The following SIMC1 variants were observed in gnomAD, a reference collection of about 807,000 sequenced individuals.
SIMC1 encodes SUMO-interacting motif-containing protein 1.
Under a neutral mutation model 82.3 loss-of-function variants are expected in SIMC1, and 55 were observed. That is an observed-to-expected ratio of 0.67 (90% CI 0.54 to 0.84). The LOEUF (loss-of-function observed/expected upper bound fraction) is 0.84, where lower values mean the gene tolerates loss of function less well. Among genes scored for constraint, SIMC1 ranks in the 40% least tolerant of loss-of-function variants. The pLI is 0.00. For synonymous variants in SIMC1, 353 were observed against 426.3 expected (o/e 0.83, Z 2.12); for missense variants, 915 against 1,107.2 (o/e 0.83, Z 2.46).
rs369351454 is a variant in SIMC1, at chr5:176,290,513, A to G, written c.989A>G (p.Gln330Arg). The G allele has an allele frequency of 1.2e-5, 19 of 1,613,880 alleles. No individual in the cohort carries two copies. The highest frequency in any genetic ancestry group is 1.5e-5 in the Non-Finnish European group (18 of 1,179,906). Residue 330 changes from glutamine to arginine, a missense_variant, in exon 2 of 10, where the codon CAG (glutamine) becomes CGG (arginine). By Grantham distance (43) the Gln-to-Arg change is conservative. Coordinates refer to ENST00000429602, the MANE Select transcript of SIMC1 (RefSeq NM_001308195.2). Reference sequence around the variant, plus strand: ...GTTTCACCGTCACCAGATGCACCACAGTCACCAGGGGGCATGCCACACTTA... The same window carrying G: ...GTTTCACCGTCACCAGATGCACCACGGTCACCAGGGGGCATGCCACACTTA... ...SDVSPSPDAP[Q>R]SPGGMPHLPG...
intron 6 of SIMC1, among the ~76,000 whole-genome samples, chr5:176,322,999 T>C (rs1765229762): frequency 1.3e-5 from 2 of 152,192 alleles, no homozygotes; most frequent in South Asian, 4.1e-4. Context: ...GGGCTGGGGC[T>C]ACCCTTGCAC....
chr5:176,249,843 C>CAAAAAA lies in SIMC1; in HGVS notation c.129+11222_129+11227dup, dbSNP rs66752759. Among the ~76,000 whole-genome samples the CAAAAAA allele has an allele frequency of 1.8e-4, 15 of 81,766 alleles. 2 individuals are homozygous for CAAAAAA. The highest frequency in any genetic ancestry group is 8.0e-4 in the East Asian group (2 of 2,494). The allele number at this position is 81,766 out of a possible 152,430, so 53.6% of individuals were successfully genotyped here. ...TGAGCAACAGAGCGAGATTCCGTCT[C>CAAAAAA]AAAAAAAAAAAAAAAAAAAAACCAG... On this transcript the variant is annotated intron_variant, in intron 1 of 9. Coordinates refer to ENST00000429602, the MANE Select transcript of SIMC1 (RefSeq NM_001308195.2).
rs184304731 is a variant in SIMC1, at chr5:176,322,610, T to G, written c.2042+185T>G. Reference sequence around the variant, plus strand: ...ATTTCAAAGGCAGAACAAAACCAGGTGCTTTCACCCCTAAAATGAATAGGA... The same window carrying G: ...ATTTCAAAGGCAGAACAAAACCAGGGGCTTTCACCCCTAAAATGAATAGGA... On this transcript the variant is annotated intron_variant, in intron 6 of 9. Coordinates refer to ENST00000429602, the MANE Select transcript of SIMC1 (RefSeq NM_001308195.2). The G allele has an allele frequency of 3.0e-5, 21 of 688,852 alleles. No homozygotes were observed. In the African/African-American group the frequency reaches 3.6e-4, roughly 12 times the overall value. The allele number at this position is 688,852 out of a possible 1,614,324, so 42.7% of individuals were successfully genotyped here. A position where few individuals can be genotyped will look rare whatever the true frequency, so the allele number is the denominator to read the frequency against.
At chr5:176,258,390 T>G (rs1301842445) in intron 1 of SIMC1, among the ~76,000 whole-genome samples, 1 of 150,626 alleles carries the variant, frequency 6.6e-6, no homozygotes, top group Non-Finnish European at 1.5e-5. Context: ...TTACCACCGC[T>G]TGTCTCCATC....
At chr5:176,343,817 G>A (rs60529051) in intron 9 of SIMC1, among the ~76,000 whole-genome samples, 6,471 of 151,424 alleles carry the variant, frequency 0.043, 255 homozygotes, top group African/African-American at 0.1. Flanking sequence ...TTTTTGAGAC[G>A]GAGTCTAGCT....
chr5:176,338,888 C>T (rs1431314565), intron 9 of SIMC1, among the ~76,000 whole-genome samples: 1 of 152,012 alleles, frequency 6.6e-6, no homozygotes, highest in Non-Finnish European at 1.5e-5. Flanking sequence ...CTAACTGTGT[C>T]TCTAGGCCTC....
chr5:176,292,560 G>A (rs10056467), intron 2 of SIMC1, among the ~76,000 whole-genome samples: 111,355 of 151,454 alleles, frequency 0.74, 41,043 homozygotes, highest in Middle Eastern at 0.84. Flanking sequence ...TTTTTTTTTG[G>A]GACAGAGTCT....
chr5:176,290,328 G>A lies in SIMC1; in HGVS notation c.804G>A (p.Val268=), dbSNP rs1763495947. 1 of 1,613,578 alleles carries A rather than the reference G, an allele frequency of 6.2e-7. No homozygotes were observed. The highest frequency in any genetic ancestry group is 1.3e-5 in the African/African-American group (1 of 74,816). Residue 268 remains valine (V), a synonymous_variant, in exon 2 of 10, where the codon GTG becomes GTA. Coordinates refer to ENST00000429602, the MANE Select transcript of SIMC1 (RefSeq NM_001308195.2). ...LPALTHPPQE[V]PCPRQNIPGP... ...CTCTAACTCACCCACCTCAAGAAGT[G>A]CCATGCCCTCGGCAGAATATCCCAG...
At chr5:176,269,363 A>G (rs1465280208) in intron 1 of SIMC1, among the ~76,000 whole-genome samples, 1 of 152,262 alleles carries the variant, frequency 6.6e-6, no homozygotes. Context: ...AGAGTATAGA[A>G]TTATAAAGTT....
rs1338640032 is a variant in SIMC1 at position 176,295,611 on chromosome 5, C to T, written c.1664+349C>T. The stretch of plus-strand genomic sequence containing the variant: ...CTGTTTTGGGGCCGCATGTGGTAGC[C>T]TCTCAGCCTCAGTTCTGTTTTGGGG... On this transcript the variant is annotated intron_variant, in intron 3 of 9. Transcript: ENST00000429602. Among the ~76,000 whole-genome samples the T allele has an allele frequency of 8.6e-5, 13 of 151,232 alleles. No individual in the cohort carries two copies. The East Asian group carries it at 2.2e-3, about 25-fold the overall frequency.
At position 176,282,481 on chromosome 5, in the gene SIMC1, C is replaced by T. The variant is rs559489221; in HGVS notation, c.130-7173C>T. Among the ~76,000 whole-genome samples the T allele has an allele frequency of 3.7e-3, 563 of 152,318 alleles. 4 individuals are homozygous for T. The highest frequency in any genetic ancestry group is 0.013 in the African/African-American group (534 of 41,576). ...CTGGCACTCCCCAGTGAGATGAACC[C>T]GGTACCTCAGATGGAAATGCAGAAA... On this transcript the variant is annotated intron_variant, in intron 1 of 9. Coordinates refer to ENST00000429602, the MANE Select transcript of SIMC1 (RefSeq NM_001308195.2).
At position 176,250,647 on chromosome 5, in the gene SIMC1, G is replaced by C. The variant is rs566224258; in HGVS notation, c.129+12010G>C. On this transcript the variant is annotated intron_variant, in intron 1 of 9. Coordinates refer to ENST00000429602, the MANE Select transcript of SIMC1 (RefSeq NM_001308195.2). Reference sequence around the variant, plus strand: ...TTGCTTTATGAATCGGGATGCTCCTGTATTGGGTGCATATATATTTAGGAT... The same window carrying C: ...TTGCTTTATGAATCGGGATGCTCCTCTATTGGGTGCATATATATTTAGGAT... Among the ~76,000 whole-genome samples the C allele has an allele frequency of 9.9e-5, 15 of 152,284 alleles. No individual in the cohort carries two copies. In the East Asian group the frequency reaches 2.7e-3, roughly 27 times the overall value.
intron 4 of SIMC1, 146 bp downstream of exon 4, chr5:176,296,466 C>G: frequency 8.1e-7 from 1 of 1,237,582 alleles, no homozygotes; most frequent in Non-Finnish European, 1.1e-6. Context: ...GAGTTCAAGG[C>G]CAGCCTGGGC....
At chr5:176,273,367 G>GTT (rs1762531218) in intron 1 of SIMC1, among the ~76,000 whole-genome samples, 1 of 152,080 alleles carries the variant, frequency 6.6e-6, no homozygotes, top group Admixed American at 6.5e-5. Flanking sequence ...TACAGCTAAG[G>GTT]GTCCTGACTG....
At chr5:176,318,636 A>C (rs577729794) in intron 5 of SIMC1, among the ~76,000 whole-genome samples, 1 of 152,278 alleles carries the variant, frequency 6.6e-6, no homozygotes, top group South Asian at 2.1e-4. Context: ...GTAGCTTTCT[A>C]AGAAAGGTGT....
chr5:176,273,011 C>G (rs1581236715), intron 1 of SIMC1, among the ~76,000 whole-genome samples: 1 of 152,318 alleles, frequency 6.6e-6, no homozygotes, highest in East Asian at 1.9e-4. Context: ...AGGGGCAGGG[C>G]ATAGCCGAAC....
Position 176,289,916 on chromosome 5 carries a change from A to C in SIMC1, c.392A>C (p.Asp131Ala). 1 of 1,613,874 alleles carries C rather than the reference A, an allele frequency of 6.2e-7. No individual in the cohort carries two copies. Among genetic ancestry groups the C allele is most frequent in the Non-Finnish European group, 8.5e-7 (1 of 1,179,856 alleles). Residue 131 changes from aspartate (D) to alanine (A), a missense_variant, in exon 2 of 10, where the codon GAT becomes GCT. This residue lies in a region of SIMC1 where 902 missense variants were observed against 1,040.3 expected (regional missense o/e 0.87). Coordinates refer to ENST00000429602, the MANE Select transcript of SIMC1 (RefSeq NM_001308195.2). ...ARRIINSDPV[D>A]LDLVEENTFV... ...AGAATCATTAACAGTGATCCTGTAG[A>C]TTTGGACCTAGTGGAAGAAAACACC...
rs781007569 is a variant in SIMC1, at chr5:176,290,897, G to C, written c.1373G>C (p.Arg458Pro). ...PCLHRLKYFL[R>P]PPVHHLFFQT... is the part of the protein sequence containing the mutation. ...CTGCATAGACTGAAGTACTTCTTAC[G>C]TCCTCCGGTTCATCACCTCTTCTTT... Residue 458 changes from arginine to proline, a missense_variant, in exon 2 of 10, where the codon CGT becomes CCT. Arg to Pro is a moderately radical substitution (Grantham distance 103). Coordinates refer to ENST00000429602, the MANE Select transcript of SIMC1 (RefSeq NM_001308195.2). The C allele has an allele frequency of 6.2e-7, 1 of 1,611,876 alleles. No individual in the cohort carries two copies. Among genetic ancestry groups the C allele is most frequent in the Admixed American group, 1.7e-5 (1 of 59,798 alleles).
In SIMC1 at chr5:176,300,549, T is replaced by C. The variant is rs866342583; in HGVS notation, c.1734+4229T>C. Among the ~76,000 whole-genome samples the C allele has an allele frequency of 2.5e-4, 37 of 150,930 alleles. 1 individual carries two copies. In the Middle Eastern group the frequency reaches 0.014, roughly 55 times the overall value. ...GTTGCCCAGGCTGGTCTTGAACTCT[T>C]GGCCTCAAGTGATTCTCCCACCTTT... On this transcript the variant is annotated intron_variant, in intron 4 of 9. Coordinates refer to ENST00000429602, the MANE Select transcript of SIMC1 (RefSeq NM_001308195.2).
Sources: allele counts gnomAD v4.1 joint callset (sites outside exome capture counted in the v4.1 genomes callset), GRCh38; gene constraint gnomAD v4.1.1; regional missense constraint gnomAD v4.1.1; transcripts MANE v1.5; gene names NCBI Gene and HGNC (gene_info 2026-07-23, HGNC 2026-07-21).